The following TGFBR2 variants were observed in gnomAD, a reference collection of about 807,000 sequenced individuals.
TGFBR2 encodes the protein transforming growth factor beta receptor 2.
TGFBR2 carries 18 observed loss-of-function variants against 49.0 expected under a neutral mutation model. That is an observed-to-expected ratio of 0.37 (90% CI 0.25 to 0.54). The LOEUF (loss-of-function observed/expected upper bound fraction) is 0.54, where lower values mean the gene tolerates loss of function less well. TGFBR2 is among the 20% of genes least tolerant of loss of function. The pLI is 0.85. For missense variants in TGFBR2, 525 were observed against 722.6 expected (o/e 0.73, Z 3.13); for synonymous variants, 282 against 275.9 (o/e 1.02, Z -0.22).
intron 1 of TGFBR2, among the ~76,000 whole-genome samples, chr3:30,620,835 G>C (rs1170787900): frequency 4.6e-5 from 7 of 152,118 alleles, no homozygotes; most frequent in Admixed American, 1.3e-4. Context: ...AATGAAGAGT[G>C]CCTGAAGATA....
chr3:30,648,419 T>TACACAC (rs35473576), intron 2 of TGFBR2, among the ~76,000 whole-genome samples: 10,496 of 115,472 alleles, frequency 0.091, 515 homozygotes, highest in Admixed American at 0.12. Context: ...AAAAACAACC[T>TACACAC]ACACACACAC....
At chr3:30,666,385 T>G (rs1179898468) in intron 3 of TGFBR2, among the ~76,000 whole-genome samples, 1 of 152,172 alleles carries the variant, frequency 6.6e-6, no homozygotes, top group African/African-American at 2.4e-5. Context: ...CACATAAAAC[T>G]TTTTATTTCC....
At chr3:30,636,980 C>G (rs372394095) in intron 1 of TGFBR2, among the ~76,000 whole-genome samples, 3 of 150,072 alleles carry the variant, frequency 2.0e-5, no homozygotes, top group Admixed American at 1.3e-4. Context: ...AGGAGAATGG[C>G]GTGAACCTGG....
intron 1 of TGFBR2, among the ~76,000 whole-genome samples, chr3:30,636,195 GTGTGTA>G (rs1406685334): frequency 2.1e-5 from 3 of 140,952 alleles, no homozygotes; most frequent in African/African-American, 7.9e-5. Flanking sequence ...GTGTGTGTGT[GTGTGTA>G]TAGTACTGGG....
intron 3 of TGFBR2, among the ~76,000 whole-genome samples, chr3:30,653,617 A>G (rs1192341557): frequency 6.6e-6 from 1 of 152,152 alleles, no homozygotes; most frequent in Non-Finnish European, 1.5e-5. Context: ...CACAAAAGCT[A>G]TGAAGTGCAT....
At chr3:30,614,316 GA>G (rs1468110889) in intron 1 of TGFBR2, among the ~76,000 whole-genome samples, 1 of 152,056 alleles carries the variant, frequency 6.6e-6, no homozygotes, top group African/African-American at 2.4e-5. Context: ...CAGTGCTTTA[GA>G]AGATATAAGA....
chr3:30,607,437 C>T lies in TGFBR2; in HGVS notation c.94+460C>T, dbSNP rs1278968441. On this transcript the variant is annotated intron_variant, in intron 1 of 6. Transcript: ENST00000295754. The stretch of plus-strand genomic sequence containing the variant: ...CCACCCGTTCAAAAGGCCAGCTCCT[C>T]AGTCCTTAGCTCCTGGAGACGGCCA... Among the ~76,000 whole-genome samples, 3 of 152,250 alleles carry T rather than the reference C, an allele frequency of 2.0e-5. No individual in the cohort carries two copies. The East Asian group carries it at 5.8e-4, about 29-fold the overall frequency.
At chr3:30,607,803 T>TATATATATATATATTATATATATATAA (rs1697952245) in intron 1 of TGFBR2, among the ~76,000 whole-genome samples, 14 of 138,396 alleles carry the variant, frequency 1.0e-4, no homozygotes, top group African/African-American at 3.4e-4. Flanking sequence ...TAAAAAAATA[T>TATATATATATATATTATATATATATAA]ATATATATAT....
intron 3 of TGFBR2, among the ~76,000 whole-genome samples, chr3:30,656,472 A>G (rs1390687518): frequency 6.6e-6 from 1 of 152,232 alleles, no homozygotes; most frequent in Non-Finnish European, 1.5e-5. Context: ...ACTGTTTTGA[A>G]CTGGATCAAT....
At position 30,671,877 on chromosome 3, in the gene TGFBR2, G is replaced by T; in HGVS notation, c.694G>T (p.Ala232Ser). 1 of 1,614,214 alleles carries T rather than the reference G, an allele frequency of 6.2e-7. No individual in the cohort carries two copies. Among genetic ancestry groups the T allele is most frequent in the Middle Eastern group, 1.6e-4 (1 of 6,062 alleles). ...CCGCTCTGACATCAGCTCCACGTGTGCCAACAACATCAACCACAACACAGA... is the reference window on the plus strand; with the variant it reads ...CCGCTCTGACATCAGCTCCACGTGTTCCAACAACATCAACCACAACACAGA... ...DDRSDISSTC[A>S]NNINHNTELL... The change falls in exon 4 of 7, where the codon GCC becomes TCC. Residue 232 changes from alanine (A) to serine (S), a missense_variant. Transcript: ENST00000295754.
At chr3:30,648,932 A>G (rs1808602) in intron 2 of TGFBR2, among the ~76,000 whole-genome samples, 77,394 of 151,966 alleles carry the variant, frequency 0.51, 20,113 homozygotes, top group African/African-American at 0.61. Flanking sequence ...TCTTTCTCTC[A>G]TGGGGATGGC....
rs941720635 is a variant in TGFBR2 at position 30,674,049 on chromosome 3, A to C, written c.1255-56A>C. The C allele has an allele frequency of 3.7e-5, 59 of 1,613,178 alleles. No homozygotes were observed. In the African/African-American group the frequency reaches 7.5e-4, roughly 20 times the overall value. On this transcript the variant is annotated intron_variant, in intron 4 of 6. Coordinates refer to ENST00000295754, the MANE Select transcript of TGFBR2 (RefSeq NM_003242.6). ...GGGGCCACCATCAGCTATATTGTGA[A>C]AATAAAAAGGCAGCTGGAATTAAAT...
At chr3:30,617,235 G>GC (rs1345488759) in intron 1 of TGFBR2, among the ~76,000 whole-genome samples, 2 of 152,216 alleles carry the variant, frequency 1.3e-5, no homozygotes, top group Admixed American at 6.5e-5. Flanking sequence ...GGGAGTAGCT[G>GC]CCGCAACCTC....
chr3:30,690,806 G>T (rs753083716), intron 6 of TGFBR2, among the ~76,000 whole-genome samples: 4 of 152,146 alleles, frequency 2.6e-5, no homozygotes, highest in Non-Finnish European at 4.4e-5. Flanking sequence ...TATAATGGTA[G>T]ATACATGTCA....
intron 3 of TGFBR2, among the ~76,000 whole-genome samples, chr3:30,662,858 G>T (rs1274514032): frequency 1.3e-5 from 2 of 152,154 alleles, no homozygotes; most frequent in East Asian, 3.8e-4. Context: ...GAGTACCAAA[G>T]AACTTAACTT....
chr3:30,635,105 C>T (rs1698505910), intron 1 of TGFBR2, among the ~76,000 whole-genome samples: 1 of 152,204 alleles, frequency 6.6e-6, no homozygotes, highest in African/African-American at 2.4e-5. Context: ...GCTTGCTTCT[C>T]CCCAGCTTTC....
At chr3:30,608,410 C>T (rs1322105136) in intron 1 of TGFBR2, among the ~76,000 whole-genome samples, 3 of 152,078 alleles carry the variant, frequency 2.0e-5, no homozygotes, top group Non-Finnish European at 4.4e-5. Flanking sequence ...TAACATCTTA[C>T]GTATCGTGCC....
At chr3:30,627,740 T>C in intron 1 of TGFBR2, among the ~76,000 whole-genome samples, 1 of 151,952 alleles carries the variant, frequency 6.6e-6, no homozygotes, top group Admixed American at 6.5e-5. Flanking sequence ...CCATCTTAGA[T>C]GATACATGTG....
intron 5 of TGFBR2, among the ~76,000 whole-genome samples, chr3:30,683,507 G>C (rs1457191521): frequency 1.3e-5 from 2 of 152,194 alleles, no homozygotes; most frequent in African/African-American, 4.8e-5. Flanking sequence ...TCATTTGCAA[G>C]TAATAAGGGA....
Sources: gnomAD v4.1 joint callset for allele counts (sites outside exome capture counted in the v4.1 genomes callset) on GRCh38, gnomAD v4.1.1 for gene constraint, MANE v1.5 for transcripts, NCBI Gene and HGNC (gene_info 2026-07-23, HGNC 2026-07-21) for gene names.